Variants in WDR72 observed in about 807,000 individuals in gnomAD.
WDR72 encodes the protein WD repeat-containing protein 72.
A neutral mutation model predicts 124.2 loss-of-function variants in WDR72; 120 were observed. The ratio of observed to expected loss-of-function variants is 0.97; its 90% CI spans 0.83 to 1.12. The LOEUF (loss-of-function observed/expected upper bound fraction) is 1.12, where lower values mean the gene tolerates loss of function less well. WDR72 is among the 50% of genes most tolerant of loss of function. The pLI is 0.00. For missense variants in WDR72, 1,387 were observed against 1,278.8 expected (o/e 1.08, Z -1.29); for synonymous variants, 452 against 441.7 (o/e 1.02, Z -0.29).
intron 3 of WDR72, among the ~76,000 whole-genome samples, chr15:53,717,806 A>G (rs1459155717): frequency 2.0e-5 from 3 of 152,138 alleles, no homozygotes; most frequent in Non-Finnish European, 4.4e-5. Flanking sequence ...CACACAAAAT[A>G]TTCATAGCAT....
At chr15:53,677,932 G>A (rs1246185069) in intron 13 of WDR72, among the ~76,000 whole-genome samples, 3 of 152,160 alleles carry the variant, frequency 2.0e-5, no homozygotes, top group Admixed American at 6.5e-5. Context: ...GGAAGATCAG[G>A]AAGAATAAGT....
chr15:53,579,592 A>T (rs2140315735), intron 18 of WDR72, among the ~76,000 whole-genome samples: 1 of 152,232 alleles, frequency 6.6e-6, no homozygotes, highest in East Asian at 1.9e-4. Context: ...GCAACTATTG[A>T]AAAGAGTCAG....
intron 18 of WDR72, among the ~76,000 whole-genome samples, chr15:53,574,029 G>A (rs1417339299): frequency 4.6e-5 from 7 of 152,168 alleles, no homozygotes; most frequent in Non-Finnish European, 1.0e-4. Flanking sequence ...GATTGAAAAT[G>A]TGACGATCTC....
At chr15:53,528,118 A>C (rs1298371621) in intron 18 of WDR72, among the ~76,000 whole-genome samples, 4 of 152,062 alleles carry the variant, frequency 2.6e-5, no homozygotes, top group Non-Finnish European at 5.9e-5. Context: ...GGTAACACTA[A>C]ATTTGTAAAC....
intron 1 of WDR72, among the ~76,000 whole-genome samples, chr15:53,746,304 T>C (rs28549113): frequency 0.037 from 5,697 of 152,204 alleles, 147 homozygotes; most frequent in African/African-American, 0.076. Flanking sequence ...ACTGGAATTG[T>C]TTACCTTGTC....
chr15:53,560,401 T>C (rs1894086184), intron 18 of WDR72, among the ~76,000 whole-genome samples: 1 of 151,900 alleles, frequency 6.6e-6, no homozygotes, highest in South Asian at 2.1e-4. Context: ...AAGCTCAGAT[T>C]CTTTACTTGT....
chr15:53,539,470 C>G (rs937827801), intron 18 of WDR72, among the ~76,000 whole-genome samples: 9 of 151,840 alleles, frequency 5.9e-5, no homozygotes, highest in Non-Finnish European at 1.3e-4. Flanking sequence ...AATACATATA[C>G]TTAGTAGTAT....
intron 6 of WDR72, among the ~76,000 whole-genome samples, chr15:53,713,418 A>ATTTTATTTTGTTTTG (rs879613029): frequency 0.012 from 1,408 of 118,358 alleles, 43 homozygotes; most frequent in Non-Finnish European, 0.014. Flanking sequence ...GTTGTATTTT[A>ATTTTATTTTGTTTTG]TTTTATTTTA....
chr15:53,605,350 G>A (rs1403085992), intron 17 of WDR72, among the ~76,000 whole-genome samples: 2 of 152,190 alleles, frequency 1.3e-5, no homozygotes, highest in Admixed American at 1.3e-4. Context: ...AGAACAGAAG[G>A]TGGGAGGAGA....
intron 14 of WDR72, among the ~76,000 whole-genome samples, chr15:53,642,301 GT>G (rs2014883089): frequency 6.6e-6 from 1 of 151,984 alleles, no homozygotes; most frequent in Non-Finnish European, 1.5e-5. Context: ...CAGAAGCTTA[GT>G]TAAAAATCTA....
intron 13 of WDR72, among the ~76,000 whole-genome samples, chr15:53,696,803 C>T (rs2017016265): frequency 6.6e-6 from 1 of 152,138 alleles, no homozygotes; most frequent in Non-Finnish European, 1.5e-5. Flanking sequence ...CAAAACACAA[C>T]AAAGGCAATA....
At chr15:53,656,815 C>T (rs1444753520) in intron 14 of WDR72, among the ~76,000 whole-genome samples, 2 of 148,866 alleles carry the variant, frequency 1.3e-5, no homozygotes, top group Non-Finnish European at 2.9e-5. Flanking sequence ...TTAATCAGAA[C>T]CAACAAGTTT....
chr15:53,537,847 A>G (rs965946007), intron 18 of WDR72, among the ~76,000 whole-genome samples: 2 of 152,218 alleles, frequency 1.3e-5, no homozygotes, highest in Non-Finnish European at 2.9e-5. Flanking sequence ...TTAAATAGCT[A>G]TATTATCTTG....
At chr15:53,648,997 T>G (rs1223412543) in intron 14 of WDR72, among the ~76,000 whole-genome samples, 6 of 151,998 alleles carry the variant, frequency 3.9e-5, no homozygotes, top group Admixed American at 3.3e-4. Flanking sequence ...ATAGGGAGCT[T>G]TACAAGAAAA....
At chr15:53,550,259 T>C (rs1893674446) in intron 18 of WDR72, among the ~76,000 whole-genome samples, 1 of 152,184 alleles carries the variant, frequency 6.6e-6, no homozygotes, top group South Asian at 2.1e-4. Flanking sequence ...ATCAAAACTA[T>C]TCAACTCTGC....
intron 1 of WDR72, among the ~76,000 whole-genome samples, chr15:53,737,029 A>T (rs866479735): frequency 0.041 from 5,408 of 133,144 alleles, 333 homozygotes; most frequent in African/African-American, 0.13. Context: ...ACACACACAC[A>T]CACACACACA....
rs770171059 is a variant in WDR72 at position 53,702,177 on chromosome 15, G to A, written c.1526C>T (p.Ala509Val). 5 of 1,613,796 alleles carry A rather than the reference G, an allele frequency of 3.1e-6. No individual in the cohort carries two copies. In the African/African-American group the frequency reaches 4.0e-5, roughly 13 times the overall value. Residue 509 changes from alanine (A) to valine (V), a missense_variant, in exon 12 of 20, where the codon GCT becomes GTT. Ala to Val is a moderately conservative substitution (Grantham distance 64, BLOSUM62 0). Coordinates refer to ENST00000360509, the MANE Select transcript of WDR72 (RefSeq NM_182758.4). ...EEILHKFFLEAGPVTSLLMSP... is the reference protein window; with the variant it reads ...EEILHKFFLEVGPVTSLLMSP... ...CATCAAAAGACTTGTTACTGGACCAGCTTCCAAAAAGAATTTATGCAAAAT... is the reference window on the plus strand; with the variant it reads ...CATCAAAAGACTTGTTACTGGACCAACTTCCAAAAAGAATTTATGCAAAAT...
intron 14 of WDR72, among the ~76,000 whole-genome samples, chr15:53,645,021 A>G (rs1411811792): frequency 6.6e-6 from 1 of 152,134 alleles, no homozygotes; most frequent in Admixed American, 6.6e-5. Flanking sequence ...GACTGGTAAT[A>G]AATTACTATA....
chr15:53,692,077 A>G (rs2016863501), intron 13 of WDR72, among the ~76,000 whole-genome samples: 1 of 152,240 alleles, frequency 6.6e-6, no homozygotes, highest in Non-Finnish European at 1.5e-5. Context: ...TGTTAACCCC[A>G]GAAATGTAAT....
Sources: allele counts gnomAD v4.1 joint callset (sites outside exome capture counted in the v4.1 genomes callset), GRCh38; gene constraint gnomAD v4.1.1; transcripts MANE v1.5; gene names NCBI Gene and HGNC (gene_info 2026-07-23, HGNC 2026-07-21).